Variants in WDR19 observed in about 807,000 individuals in gnomAD.
The protein encoded by WDR19 is WD repeat domain 19, also known as WD repeat-containing protein 19.
A neutral mutation model predicts 180.0 loss-of-function variants in WDR19; 121 were observed. The observed-to-expected ratio is 0.67, with a 90% CI of 0.58 to 0.78. The LOEUF (loss-of-function observed/expected upper bound fraction) is 0.78. Among genes scored for constraint, WDR19 ranks in the 30% least tolerant of loss-of-function variants. WDR19 has a pLI of 0.00. For missense variants in WDR19, 1,450 were observed against 1,640.7 expected (o/e 0.88, Z 2.01); for synonymous variants, 497 against 540.7 (o/e 0.92, Z 1.12).
rs1737148286 is a variant in WDR19, at chr4:39,285,797, A to AATT, written c.*325_*327dup. Reference sequence around the variant, plus strand: ...TGTATTTTGAAAAACTTTAAAATAAAATTGTTGACTAGATATCTGTGACGT... The same window carrying AATT: ...TGTATTTTGAAAAACTTTAAAATAAAATTATTGTTGACTAGATATCTGTGACGT... On this transcript the variant is annotated 3_prime_UTR_variant, in exon 37 of 37. Transcript: ENST00000399820. 1.3e-5 allele frequency: 2 copies of AATT among 152,354 alleles called. No individual in the cohort carries two copies. The highest frequency in any genetic ancestry group is 4.1e-4 in the South Asian group (2 of 4,828). 9.4% of individuals were successfully genotyped at this position (152,354 alleles called of 1,614,324 possible).
intron 19 of WDR19, among the ~76,000 whole-genome samples, chr4:39,234,283 A>G (rs1459131898): frequency 6.6e-6 from 1 of 152,188 alleles, no homozygotes; most frequent in Non-Finnish European, 1.5e-5. Context: ...CCACAGGAAC[A>G]TATATTTACA....
At chr4:39,208,869 G>A (rs992529561) in intron 9 of WDR19, among the ~76,000 whole-genome samples, 1 of 152,074 alleles carries the variant, frequency 6.6e-6, no homozygotes, top group African/African-American at 2.4e-5. Flanking sequence ...TTTATATAAT[G>A]GACTTGAGCA....
chr4:39,214,954 G>A (rs1341758299), intron 10 of WDR19, among the ~76,000 whole-genome samples: 2 of 152,046 alleles, frequency 1.3e-5, no homozygotes, highest in African/African-American at 4.8e-5. Flanking sequence ...TGTATTTTTA[G>A]TAGAGATGGG....
Position 39,231,866 on chromosome 4 carries a change from T to G in WDR19, c.2052T>G (p.Ala684=). ...CTGCCTGGAATGAGTTGGCCAGAGC[T>G]TGTCTACATCACATGGAAGTGGAGT... ...DEAAWNELAR[A]CLHHMEVEFA... The change falls in exon 18 of 37, where the codon GCT becomes GCG. Residue 684 remains alanine (A), a synonymous_variant. Transcript: ENST00000399820. The G allele has an allele frequency of 6.2e-7, 1 of 1,612,650 alleles. No individual in the cohort carries two copies. The highest frequency in any genetic ancestry group is 8.5e-7 in the Non-Finnish European group (1 of 1,178,766).
intron 24 of WDR19, among the ~76,000 whole-genome samples, chr4:39,247,081 A>G (rs1214786156): frequency 6.6e-6 from 1 of 152,220 alleles, no homozygotes; most frequent in Non-Finnish European, 1.5e-5. Flanking sequence ...ACCCCTGAGT[A>G]GCCTAACTGG....
At chr4:39,196,011 G>C (rs1425508922) in intron 5 of WDR19, among the ~76,000 whole-genome samples, 2 of 152,142 alleles carry the variant, frequency 1.3e-5, no homozygotes, top group Non-Finnish European at 2.9e-5. Context: ...AGGGCTTTGA[G>C]GTATATAAGG....
intron 6 of WDR19, among the ~76,000 whole-genome samples, chr4:39,201,956 T>TAAGA (rs1314144223): frequency 6.6e-6 from 1 of 152,232 alleles, no homozygotes; most frequent in East Asian, 1.9e-4. Flanking sequence ...TTAATTGTTT[T>TAAGA]AACTTTGGCA....
chr4:39,225,006 A>G lies in WDR19; in HGVS notation c.1602A>G (p.Glu534=). 1 of 1,568,076 alleles carries G rather than the reference A, an allele frequency of 6.4e-7. No homozygotes were observed. Among genetic ancestry groups the G allele is most frequent in the Non-Finnish European group, 8.6e-7 (1 of 1,157,946 alleles). Residue 534 remains glutamate (E), a synonymous_variant, in exon 15 of 37, where the codon GAA becomes GAG. Coordinates refer to ENST00000399820, the MANE Select transcript of WDR19 (RefSeq NM_025132.4). ...PNGTRLVFID[E]KSDGFVYCPV... is the part of the protein sequence containing the mutation. The stretch of plus-strand genomic sequence containing the variant: ...GGACCAGATTAGTTTTCATTGATGA[A>G]AAAAGTGATGGATTTGTTTACTGTC...
intron 34 of WDR19, 76 bp from the exon 35 acceptor site, chr4:39,278,055 A>AC (rs1736080094): frequency 3.7e-6 from 5 of 1,364,560 alleles, no homozygotes; most frequent in Admixed American, 4.5e-5. Flanking sequence ...TTCCGTCAAA[A>AC]AAAAAAAAAA....
chr4:39,241,930 T>C (rs376913009), intron 21 of WDR19, among the ~76,000 whole-genome samples: 107 of 124,962 alleles, frequency 8.6e-4, no homozygotes, highest in African/African-American at 2.6e-3. Flanking sequence ...ACTTGTAATA[T>C]GGATTTTTTT....
rs1231847370 is a variant in WDR19 at position 39,245,392 on chromosome 4, C to G, written c.2669C>G (p.Pro890Arg). The G allele has an allele frequency of 6.2e-7, 1 of 1,613,486 alleles. No homozygotes were observed. The highest frequency in any genetic ancestry group is 1.3e-5 in the African/African-American group (1 of 74,890). Reference sequence around the variant, plus strand: ...AGGGCAAAAGTTGGTGATCTTCTGCCCCACGTTTCTTCTCCTAAGATCCAT... The same window carrying G: ...AGGGCAAAAGTTGGTGATCTTCTGCGCCACGTTTCTTCTCCTAAGATCCAT... ...KNWAKVGDLL[P>R]HVSSPKIHLQ... The change falls in exon 24 of 37, where the codon CCC becomes CGC. Residue 890 changes from proline to arginine, a missense_variant. Pro to Arg is a moderately radical substitution (Grantham distance 103). Transcript: ENST00000399820.
chr4:39,274,673 A>G, intron 32 of WDR19, 135 bp from the exon 33 acceptor site: 1 of 1,033,268 alleles, frequency 9.7e-7, no homozygotes, highest in South Asian at 1.6e-5. Flanking sequence ...AACAGATCAT[A>G]TCTGGTTCTT....
intron 25 of WDR19, 116 bp from the exon 26 acceptor site, chr4:39,253,790 A>T (rs1055715771): frequency 2.8e-5 from 25 of 896,538 alleles, no homozygotes; most frequent in Non-Finnish European, 4.1e-5. Flanking sequence ...AAAAAAAAAA[A>T]AAGAACTGCA....
chr4:39,284,830 G>A (rs1019073120), intron 36 of WDR19, among the ~76,000 whole-genome samples: 1 of 152,036 alleles, frequency 6.6e-6, no homozygotes, highest in Non-Finnish European at 1.5e-5. Flanking sequence ...CCAGACCATG[G>A]TACATCATAG....
At chr4:39,238,567 T>A (rs1480155533) in intron 20 of WDR19, among the ~76,000 whole-genome samples, 3 of 152,106 alleles carry the variant, frequency 2.0e-5, no homozygotes, top group Non-Finnish European at 4.4e-5. Context: ...TCAGGAAAAA[T>A]CCCTAGCTTG....
chr4:39,194,629 C>T lies in WDR19; in HGVS notation c.376C>T (p.His126Tyr). 1 of 1,612,626 alleles carries T rather than the reference C, an allele frequency of 6.2e-7. No individual in the cohort carries two copies. The highest frequency in any genetic ancestry group is 1.1e-5 in the South Asian group (1 of 90,758). Residue 126 changes from histidine to tyrosine, a missense_variant, in exon 5 of 37, where the codon CAT (histidine) becomes TAT (tyrosine). By Grantham distance (83) the His-to-Tyr change is moderately conservative (BLOSUM62 2). Transcript: ENST00000399820. ...TAAAGGAAATTTGCTTATTTATAAT[C>T]ATCAGACATCTCGAAAGATTCCTGT... is the stretch of plus-strand genomic sequence containing the variant. ...TVKGNLLIYN[H>Y]QTSRKIPVLG...
intron 22 of WDR19, 38 bp downstream of exon 22, chr4:39,244,426 T>A: frequency 6.2e-7 from 1 of 1,613,890 alleles, no homozygotes; most frequent in Non-Finnish European, 8.5e-7. Context: ...TGTGGTCTTT[T>A]ATACATAATA....
At chr4:39,245,340 A>G in intron 23 of WDR19, 29 bp from the exon 24 acceptor site, 4 of 1,575,266 alleles carry the variant, frequency 2.5e-6, no homozygotes, top group Non-Finnish European at 3.5e-6. Context: ...CACAGTACTC[A>G]TACTGTTCTC....
intron 11 of WDR19, 23 bp downstream of exon 11, chr4:39,216,036 C>A (rs767145767): frequency 2.6e-6 from 4 of 1,541,326 alleles, no homozygotes; most frequent in South Asian, 1.2e-5. Context: ...TGTTATTTTT[C>A]TTTTATTTAT....
Sources: allele counts gnomAD v4.1 joint callset (sites outside exome capture counted in the v4.1 genomes callset), GRCh38; gene constraint gnomAD v4.1.1; transcripts MANE v1.5; gene names NCBI Gene and HGNC (gene_info 2026-07-23, HGNC 2026-07-21).